TBC1D1: variants seen among roughly 807,000 people sequenced by gnomAD.
TBC1D1 encodes TBC1 (tre-2/USP6, BUB2, cdc16) domain family, member 1.
A neutral mutation model predicts 125.6 loss-of-function variants in TBC1D1; 89 were observed. The ratio of observed to expected loss-of-function variants is 0.71; its 90% CI spans 0.60 to 0.85. The LOEUF is 0.85. Among genes scored for constraint, TBC1D1 ranks in the 40% least tolerant of loss-of-function variants. TBC1D1 has a pLI of 0.00. For synonymous variants in TBC1D1, 565 were observed against 564.1 expected, an observed-to-expected ratio of 1.00 and a Z score of -0.02; for missense variants, 1,377 against 1,469.2, an observed-to-expected ratio of 0.94 and a Z score of 1.03.
intron 19 of TBC1D1, among the ~76,000 whole-genome samples, chr4:38,135,928 G>GTGTA (rs2152648291): frequency 7.9e-6 from 1 of 127,182 alleles, no homozygotes; most frequent in South Asian, 2.3e-4. Flanking sequence ...GTGTATATGT[G>GTGTA]TGTGTGTGTG....
At chr4:38,010,744 C>T (rs1741304919) in intron 2 of TBC1D1, among the ~76,000 whole-genome samples, 1 of 152,198 alleles carries the variant, frequency 6.6e-6, no homozygotes, top group African/African-American at 2.4e-5. Context: ...TTCATTCAGC[C>T]TTTCTCTCAG....
At chr4:38,098,656 A>T (rs1759785762) in intron 14 of TBC1D1, among the ~76,000 whole-genome samples, 1 of 152,246 alleles carries the variant, frequency 6.6e-6, no homozygotes, top group South Asian at 2.1e-4. Context: ...GTTTTAACAC[A>T]TTAAGATTTA....
At chr4:37,960,470 A>G in intron 2 of TBC1D1, 1 of 1,613,962 alleles carries the variant, frequency 6.2e-7, no homozygotes, top group Non-Finnish European at 8.5e-7. Flanking sequence ...AGGAAATTGG[A>G]GAACCAGGCA....
chr4:37,897,188 A>G (rs564947558), intron 1 of TBC1D1, among the ~76,000 whole-genome samples: 71 of 152,278 alleles, frequency 4.7e-4, no homozygotes, highest in Non-Finnish European at 8.7e-4. Context: ...AAAATAATCA[A>G]ATGGTTTGTT....
intron 2 of TBC1D1, among the ~76,000 whole-genome samples, chr4:37,967,244 C>T (rs1259209739): frequency 6.6e-6 from 1 of 152,150 alleles, no homozygotes. Flanking sequence ...TCTGTAATCC[C>T]TGCACTTTGG....
intron 8 of TBC1D1, among the ~76,000 whole-genome samples, chr4:38,041,312 T>A (rs1337928956): frequency 6.6e-6 from 1 of 152,214 alleles, no homozygotes; most frequent in Admixed American, 6.5e-5. Flanking sequence ...CAGAAATTTT[T>A]AAAAAGTGAC....
intron 2 of TBC1D1, among the ~76,000 whole-genome samples, chr4:38,005,314 A>G (rs900316029): frequency 2.0e-5 from 3 of 152,236 alleles, no homozygotes; most frequent in African/African-American, 7.2e-5. Flanking sequence ...CATTGATCTC[A>G]TTTGTTGTGG....
intron 12 of TBC1D1, among the ~76,000 whole-genome samples, chr4:38,067,524 A>G (rs1045790123): frequency 4.6e-5 from 7 of 152,170 alleles, no homozygotes; most frequent in African/African-American, 1.7e-4. Context: ...GGGTTGGGAG[A>G]CAAAACAGAA....
chr4:37,899,924 T>C (rs1173570296), intron 1 of TBC1D1, among the ~76,000 whole-genome samples: 1 of 151,166 alleles, frequency 6.6e-6, no homozygotes, highest in Non-Finnish European at 1.5e-5. Context: ...ATCGAGACCA[T>C]CCTGGCTAAC....
intron 12 of TBC1D1, among the ~76,000 whole-genome samples, chr4:38,068,878 C>G (rs1179827400): frequency 6.6e-6 from 1 of 152,134 alleles, no homozygotes; most frequent in African/African-American, 2.4e-5. Flanking sequence ...ATCTCCAGTC[C>G]CCCCAGCTCC....
chr4:38,007,781 G>A (rs985019768), intron 2 of TBC1D1, among the ~76,000 whole-genome samples: 5 of 152,166 alleles, frequency 3.3e-5, no homozygotes, highest in African/African-American at 1.2e-4. Context: ...GCTGCCCTTC[G>A]TGCTGTTCAC....
chr4:37,903,462 A>G (rs1334040993), intron 2 of TBC1D1, among the ~76,000 whole-genome samples: 1 of 152,226 alleles, frequency 6.6e-6, no homozygotes, highest in Non-Finnish European at 1.5e-5. Flanking sequence ...GCCAAGTCAC[A>G]TGTGATTCAA....
chr4:38,114,914 A>G (rs987495274), intron 15 of TBC1D1, among the ~76,000 whole-genome samples: 16 of 152,100 alleles, frequency 1.1e-4, no homozygotes, highest in South Asian at 6.2e-4. Context: ...ATTTGCAGGC[A>G]TAATATGTGT....
At chr4:38,044,821 T>A (rs1160728610) in intron 9 of TBC1D1, among the ~76,000 whole-genome samples, 1 of 152,248 alleles carries the variant, frequency 6.6e-6, no homozygotes, top group East Asian at 1.9e-4. Flanking sequence ...TCACTATGTA[T>A]AACTTAAAAA....
intron 2 of TBC1D1, among the ~76,000 whole-genome samples, chr4:37,994,868 A>T (rs1308587260): frequency 6.6e-6 from 1 of 152,078 alleles, no homozygotes; most frequent in East Asian, 1.9e-4. Context: ...AGTCAATTAC[A>T]ATCCTTAAAT....
In TBC1D1 at chr4:38,116,052, A is replaced by G. The variant is rs562304791; in HGVS notation, c.2802+98A>G. On this transcript the variant is annotated intron_variant, in intron 16 of 19. Transcript: ENST00000261439. ...TCAGGAGCTTTTTCACCGTCAGGTA[A>G]CATTGTAATAGCTGTCACTGCTGAT... is the stretch of plus-strand genomic sequence containing the variant. 11 of 1,337,094 alleles carry G rather than the reference A, an allele frequency of 8.2e-6. No individual in the cohort carries two copies. The Admixed American group carries it at 1.4e-4, about 17-fold the overall frequency. The allele number at this position is 1,337,094 out of a possible 1,614,324, so 82.8% of individuals were successfully genotyped here. A position where few individuals can be genotyped will look rare whatever the true frequency, so the allele number is the denominator to read the frequency against.
At chr4:37,971,199 C>T (rs538735119) in intron 2 of TBC1D1, among the ~76,000 whole-genome samples, 2 of 152,160 alleles carry the variant, frequency 1.3e-5, no homozygotes, top group Admixed American at 1.3e-4. Context: ...TTAAAGCATC[C>T]TTTTAAAGTT....
At chr4:37,912,386 G>A (rs1370745127) in intron 2 of TBC1D1, among the ~76,000 whole-genome samples, 1 of 152,246 alleles carries the variant, frequency 6.6e-6, no homozygotes, top group Non-Finnish European at 1.5e-5. Context: ...GCAGGATGGG[G>A]AATGATGAGA....
At chr4:37,900,701 C>A (rs1715782188) in intron 1 of TBC1D1, among the ~76,000 whole-genome samples, 1 of 152,154 alleles carries the variant, frequency 6.6e-6, no homozygotes, top group South Asian at 2.1e-4. Flanking sequence ...ATCCCACAGA[C>A]AACTCAGCTT....
Sources: gnomAD v4.1 joint callset for allele counts (sites outside exome capture counted in the v4.1 genomes callset) on GRCh38, gnomAD v4.1.1 for gene constraint, MANE v1.5 for transcripts, NCBI Gene and HGNC (gene_info 2026-07-23, HGNC 2026-07-21) for gene names.